GLIS1: variants seen among roughly 807,000 people sequenced by gnomAD.
GLIS1 encodes the protein GLIS family zinc finger 1.
In GLIS1, 24 loss-of-function variants were observed where a neutral mutation model predicts 63.8. The observed-to-expected ratio is 0.38, with a 90% CI of 0.27 to 0.53. The LOEUF (loss-of-function observed/expected upper bound fraction) is 0.53, where lower values mean the gene tolerates loss of function less well. Among genes scored for constraint, GLIS1 ranks in the 20% least tolerant of loss-of-function variants. The pLI, the probability that GLIS1 is intolerant of heterozygous loss-of-function variation, is 0.85. For synonymous variants in GLIS1, 450 were observed against 482.5 expected (o/e 0.93, Z 0.88); for missense variants, 1,036 against 1,074.1 (o/e 0.96, Z 0.50).
intron 2 of GLIS1, among the ~76,000 whole-genome samples, chr1:53,700,108 C>T (rs554242285): frequency 2.0e-5 from 3 of 152,338 alleles, no homozygotes; most frequent in South Asian, 2.1e-4. Context: ...GGCCACTACA[C>T]GCTCAGCCAG....
intron 4 of GLIS1, among the ~76,000 whole-genome samples, chr1:53,583,433 GTGCCCAGCAGA>G (rs1193815143): frequency 1.3e-5 from 2 of 152,234 alleles, no homozygotes; most frequent in African/African-American, 4.8e-5. Flanking sequence ...TGGGTGCTCT[GTGCCCAGCAGA>G]TGTCCCAGTC....
chr1:53,534,784 C>T (rs7553680), intron 4 of GLIS1, among the ~76,000 whole-genome samples: 5,525 of 152,068 alleles, frequency 0.036, 400 homozygotes, highest in African/African-American at 0.13. Context: ...CCTCACTCAG[C>T]TGCCCCTCTG....
chr1:53,611,594 A>G (rs1645425242), intron 2 of GLIS1, among the ~76,000 whole-genome samples: 1 of 152,218 alleles, frequency 6.6e-6, no homozygotes, highest in Admixed American at 6.5e-5. Context: ...GGCAGGTAAA[A>G]GAGGAAAATA....
At chr1:53,707,273 C>G (rs1356299626) in intron 2 of GLIS1, among the ~76,000 whole-genome samples, 2 of 152,190 alleles carry the variant, frequency 1.3e-5, no homozygotes, top group Non-Finnish European at 2.9e-5. Flanking sequence ...GACCATGAGG[C>G]TGTTATCTGT....
chr1:53,693,076 G>C (rs904786972), intron 2 of GLIS1, among the ~76,000 whole-genome samples: 25 of 152,194 alleles, frequency 1.6e-4, no homozygotes, highest in African/African-American at 6.0e-4. Flanking sequence ...TCGAGACCTC[G>C]TATCAACCCA....
intron 9 of GLIS1, 138 bp from the exon 10 acceptor site, chr1:53,509,425 A>G (rs1644274397): frequency 2.1e-6 from 2 of 948,992 alleles, no homozygotes; most frequent in African/African-American, 1.7e-5. Context: ...AGGAGGGCCC[A>G]GGGCAGAGGA....
At chr1:53,583,032 C>G (rs1029524344) in intron 4 of GLIS1, among the ~76,000 whole-genome samples, 2 of 152,196 alleles carry the variant, frequency 1.3e-5, no homozygotes, top group Admixed American at 6.5e-5. Context: ...GAAATGACCC[C>G]GTAAGCCAAA....
chr1:53,509,056 C>A, intron 10 of GLIS1, 64 bp downstream of exon 10: 1 of 1,438,336 alleles, frequency 7.0e-7, no homozygotes, highest in Admixed American at 2.1e-5. Context: ...ACGTATGCAG[C>A]ACCCAGCACT....
chr1:53,556,653 GTA>G (rs1365303941), intron 4 of GLIS1, among the ~76,000 whole-genome samples: 1 of 145,684 alleles, frequency 6.9e-6, no homozygotes, highest in South Asian at 2.2e-4. Flanking sequence ...TGTACTGTAG[GTA>G]TGTGTGTGTA....
intron 2 of GLIS1, among the ~76,000 whole-genome samples, chr1:53,606,783 C>T (rs570804174): frequency 1.7e-4 from 26 of 152,354 alleles, no homozygotes; most frequent in East Asian, 5.8e-4. Flanking sequence ...GCAGGCCTGA[C>T]GCTCGCGGCC....
chr1:53,534,686 T>C (rs1024118257), intron 4 of GLIS1, among the ~76,000 whole-genome samples: 2 of 104,942 alleles, frequency 1.9e-5, no homozygotes, highest in African/African-American at 7.4e-5. Flanking sequence ...TCCCTGCTAC[T>C]GTGCACCCCC....
intron 1 of GLIS1, among the ~76,000 whole-genome samples, 174 bp from the exon 2 acceptor site, chr1:53,738,280 A>G (rs917890616): frequency 6.6e-6 from 1 of 152,068 alleles, no homozygotes; most frequent in African/African-American, 2.4e-5. Context: ...TCCACGCAAA[A>G]GCCCCCTCGC....
At chr1:53,653,928 C>T (rs548095060) in intron 2 of GLIS1, among the ~76,000 whole-genome samples, 22 of 152,352 alleles carry the variant, frequency 1.4e-4, no homozygotes, top group African/African-American at 5.3e-4. Flanking sequence ...CTGGACCAGA[C>T]CCTAAGGAAC....
chr1:53,600,501 G>A (rs371700762), intron 2 of GLIS1, among the ~76,000 whole-genome samples: 1 of 152,118 alleles, frequency 6.6e-6, no homozygotes, highest in South Asian at 2.1e-4. Flanking sequence ...GGGGATGCTA[G>A]GTCTCCGGTG....
intron 2 of GLIS1, among the ~76,000 whole-genome samples, chr1:53,622,034 T>A (rs1002496270): frequency 3.1e-4 from 47 of 152,164 alleles, no homozygotes; most frequent in Non-Finnish European, 1.9e-4. Context: ...GATCTGCCCA[T>A]CTCAGCCTCC....
intron 4 of GLIS1, among the ~76,000 whole-genome samples, chr1:53,531,758 G>T (rs1205854407): frequency 1.3e-5 from 2 of 152,208 alleles, no homozygotes; most frequent in African/African-American, 4.8e-5. Flanking sequence ...CCTGTGGGCC[G>T]CGAGCTGCTT....
chr1:53,738,490 C>T (rs982680337), intron 1 of GLIS1, among the ~76,000 whole-genome samples: 1 of 152,208 alleles, frequency 6.6e-6, no homozygotes, highest in African/African-American at 2.4e-5. Flanking sequence ...AACGAGGATT[C>T]CCAGAGCAGG....
chr1:53,584,511 T>C (rs902732345), intron 4 of GLIS1, among the ~76,000 whole-genome samples: 1 of 152,202 alleles, frequency 6.6e-6, no homozygotes, highest in Admixed American at 6.5e-5. Context: ...CAGAGGCATT[T>C]GGTTAATTCA....
intron 2 of GLIS1, chr1:53,734,074 T>C (rs75393002): frequency 2.0e-6 from 2 of 985,292 alleles, no homozygotes; most frequent in Non-Finnish European, 2.4e-6. Flanking sequence ...TTTTTTTTTT[T>C]TCAAGTTACA....
Sources: allele counts gnomAD v4.1 joint callset (sites outside exome capture counted in the v4.1 genomes callset), GRCh38; gene constraint gnomAD v4.1.1; transcripts MANE v1.5; gene names NCBI Gene and HGNC (gene_info 2026-07-23, HGNC 2026-07-21).